The following ACVR2A variants were observed in gnomAD, a reference collection of about 807,000 sequenced individuals.
ACVR2A encodes the protein activin A receptor type 2A, also known as activin receptor type-2A.
A neutral mutation model predicts 61.4 loss-of-function variants in ACVR2A; 7 were observed. The ratio of observed to expected loss-of-function variants is 0.11; its 90% CI spans 0.06 to 0.21. ACVR2A has a LOEUF of 0.21. Among genes scored for constraint, ACVR2A ranks in the 10% least tolerant of loss-of-function variants. The pLI is 1.00. For synonymous variants in ACVR2A, 193 were observed against 208.3 expected, an observed-to-expected ratio of 0.93 and a Z score of 0.63; for missense variants, 322 against 621.7, an observed-to-expected ratio of 0.52 and a Z score of 5.13.
intron 7 of ACVR2A, 76 bp from the exon 8 acceptor site, chr2:147,920,154 C>A (rs915511127): frequency 4.3e-6 from 4 of 933,812 alleles, no homozygotes; most frequent in Non-Finnish European, 6.8e-6. Context: ...ACATATTCCC[C>A]CTTTTCTGCT....
At chr2:147,854,636 TATTC>T (rs1685523673) in intron 1 of ACVR2A, among the ~76,000 whole-genome samples, 2 of 152,168 alleles carry the variant, frequency 1.3e-5, no homozygotes, top group South Asian at 4.1e-4. Context: ...GTGAAATAGG[TATTC>T]ATTCACTTAA....
rs911755604 is a variant in ACVR2A at position 147,927,853 on chromosome 2, C to T, written c.*579C>T. ...TTCCAAGCATTACTTTAACCTCCCT[C>T]AACAAGGTATACCTCAGTTCCACGG... On this transcript the variant is annotated 3_prime_UTR_variant, in exon 11 of 11. Coordinates refer to ENST00000241416, the MANE Select transcript of ACVR2A (RefSeq NM_001616.5). The T allele has an allele frequency of 1.3e-5, 2 of 152,294 alleles. No homozygotes were observed. The highest frequency in any genetic ancestry group is 2.9e-5 in the Non-Finnish European group (2 of 67,910). 9.4% of individuals were successfully genotyped at this position (152,294 alleles called of 1,614,324 possible). A position where few individuals can be genotyped will look rare whatever the true frequency, so the allele number is the denominator to read the frequency against.
chr2:147,891,529 A>T (rs1016115580), intron 1 of ACVR2A, among the ~76,000 whole-genome samples: 1 of 151,894 alleles, frequency 6.6e-6, no homozygotes, highest in Non-Finnish European at 1.5e-5. Flanking sequence ...AAAAAAAAAA[A>T]TCCAAAAAAA....
intron 9 of ACVR2A, 65 bp from the exon 10 acceptor site, chr2:147,925,966 G>A: frequency 6.6e-7 from 1 of 1,525,384 alleles, no homozygotes; most frequent in Non-Finnish European, 8.9e-7. Flanking sequence ...TAGAAAGTTT[G>A]TACCAGTTTG....
intron 1 of ACVR2A, among the ~76,000 whole-genome samples, chr2:147,889,746 C>CA (rs1235346144): frequency 7.6e-4 from 113 of 148,178 alleles, no homozygotes; most frequent in African/African-American, 2.4e-3. Flanking sequence ...GACTCCGTCT[C>CA]AAAAAAAAAG....
At chr2:147,899,015 A>T (rs1686810861) in intron 2 of ACVR2A, among the ~76,000 whole-genome samples, 1 of 152,164 alleles carries the variant, frequency 6.6e-6, no homozygotes, top group African/African-American at 2.4e-5. Flanking sequence ...ATTTATATGT[A>T]TACATACACA....
chr2:147,900,173 C>T (rs995547973), intron 4 of ACVR2A, among the ~76,000 whole-genome samples: 31 of 152,194 alleles, frequency 2.0e-4, no homozygotes, highest in Non-Finnish European at 8.8e-5. Context: ...CTAACACTAA[C>T]CTGCTTTGCT....
At chr2:147,881,917 T>C (rs1573674611) in intron 1 of ACVR2A, among the ~76,000 whole-genome samples, 1 of 152,222 alleles carries the variant, frequency 6.6e-6, no homozygotes, top group Non-Finnish European at 1.5e-5. Flanking sequence ...AATACAAAAA[T>C]GTACCGTTTG....
At chr2:147,918,385 G>A (rs765090210) in intron 6 of ACVR2A, 62 bp from the exon 7 acceptor site, 275 of 1,419,490 alleles carry the variant, frequency 1.9e-4, no homozygotes, top group Non-Finnish European at 2.4e-4. Flanking sequence ...AAAAAGAAAA[G>A]TCTCCTTATA....
At chr2:147,859,468 A>C (rs1182960696) in intron 1 of ACVR2A, among the ~76,000 whole-genome samples, 1 of 151,710 alleles carries the variant, frequency 6.6e-6, no homozygotes, top group African/African-American at 2.4e-5. Flanking sequence ...TTATAAAATC[A>C]GTGTAGAGGG....
chr2:147,865,361 C>T (rs1685827053), intron 1 of ACVR2A, among the ~76,000 whole-genome samples: 1 of 152,164 alleles, frequency 6.6e-6, no homozygotes, highest in Admixed American at 6.5e-5. Flanking sequence ...ATAATTCTCT[C>T]AAAGATTAAG....
upstream of ACVR2A, chr2:147,844,594 A>ACCGCCG (rs964452343): frequency 6.8e-6 from 1 of 146,490 alleles, no homozygotes; most frequent in East Asian, 2.1e-4. Flanking sequence ...CGCCGCCTGC[A>ACCGCCG]CCGCCGCCGC....
At chr2:147,904,096 C>A (rs1443437191) in intron 4 of ACVR2A, among the ~76,000 whole-genome samples, 1 of 151,946 alleles carries the variant, frequency 6.6e-6, no homozygotes, top group Non-Finnish European at 1.5e-5. Flanking sequence ...TTATTCAGTT[C>A]TTTCTGTAAT....
At chr2:147,904,473 T>C (rs1483947401) in intron 4 of ACVR2A, among the ~76,000 whole-genome samples, 2 of 152,060 alleles carry the variant, frequency 1.3e-5, no homozygotes, top group African/African-American at 2.4e-5. Context: ...AGTTAGCTTC[T>C]TGTTTACTTT....
intron 1 of ACVR2A, among the ~76,000 whole-genome samples, chr2:147,863,643 A>G (rs1685782437): frequency 6.6e-6 from 1 of 152,164 alleles, no homozygotes; most frequent in Non-Finnish European, 1.5e-5. Flanking sequence ...GAGGGAAAAT[A>G]TTTTTACTCT....
At chr2:147,864,011 T>C (rs138134363) in intron 1 of ACVR2A, among the ~76,000 whole-genome samples, 1 of 152,200 alleles carries the variant, frequency 6.6e-6, no homozygotes, top group Non-Finnish European at 1.5e-5. Flanking sequence ...TGCTTTTGAC[T>C]CATATTTAGA....
chr2:147,887,706 TCA>T (rs1686476335), intron 1 of ACVR2A, among the ~76,000 whole-genome samples: 1 of 152,196 alleles, frequency 6.6e-6, no homozygotes, highest in South Asian at 2.1e-4. Context: ...ATCTATTACC[TCA>T]CATATGCAGT....
chr2:147,902,898 G>A (rs1267146675), intron 4 of ACVR2A: 1 of 151,886 alleles, frequency 6.6e-6, no homozygotes, highest in African/African-American at 2.4e-5. Flanking sequence ...TCTTCCTCTG[G>A]ATTCTTTAAG....
At chr2:147,909,679 C>G (rs1687069886) in intron 4 of ACVR2A, among the ~76,000 whole-genome samples, 1 of 151,940 alleles carries the variant, frequency 6.6e-6, no homozygotes, top group Admixed American at 6.6e-5. Flanking sequence ...ACTCTGTCAC[C>G]CAGGCGGGAA....
Sources: gnomAD v4.1 joint callset for allele counts (sites outside exome capture counted in the v4.1 genomes callset) on GRCh38, gnomAD v4.1.1 for gene constraint, MANE v1.5 for transcripts, NCBI Gene and HGNC (gene_info 2026-07-23, HGNC 2026-07-21) for gene names.